Variants in GOLGA3 observed in about 807,000 individuals in gnomAD.
GOLGA3 encodes golgin subfamily A member 3.
Under a neutral mutation model 169.4 loss-of-function variants are expected in GOLGA3, and 75 were observed. The ratio of observed to expected loss-of-function variants is 0.44; its 90% CI spans 0.37 to 0.54. The LOEUF (loss-of-function observed/expected upper bound fraction) is 0.54. GOLGA3 is among the 20% of genes least tolerant of loss of function. GOLGA3 has a pLI of 0.00. For synonymous variants in GOLGA3, 824 were observed against 822.4 expected, an observed-to-expected ratio of 1.00 and a Z score of -0.03; for missense variants, 1,899 against 1,930.0, an observed-to-expected ratio of 0.98 and a Z score of 0.30.
chr12:132,776,878 C>T (rs2045276632), intron 20 of GOLGA3, 80 bp downstream of exon 20: 1 of 1,543,332 alleles, frequency 6.5e-7, no homozygotes, highest in African/African-American at 1.4e-5. Context: ...ATCACTGTTG[C>T]TCCCCAAGCA....
At position 132,796,526 on chromosome 12, in the gene GOLGA3, T is replaced by C. The variant is rs755764204; in HGVS notation, c.2100+13A>G. 4 of 1,605,072 alleles carry C rather than the reference T, an allele frequency of 2.5e-6. No individual in the cohort carries two copies. The highest frequency in any genetic ancestry group is 3.4e-6 in the Non-Finnish European group (4 of 1,178,332). On this transcript the variant is annotated intron_variant, in intron 10 of 23. Transcript: ENST00000450791. ...GGGGCCTGGGTCCAGCCTGAAGGGCTGCAGGGACTTACCTGCTCCAGCTGC... is the reference window on the plus strand; with the variant it reads ...GGGGCCTGGGTCCAGCCTGAAGGGCCGCAGGGACTTACCTGCTCCAGCTGC...
At position 132,770,998 on chromosome 12, in the gene GOLGA3, T is replaced by C. The variant is rs975166074; in HGVS notation, c.*2107A>G. The C allele has an allele frequency of 6.6e-6, 1 of 152,546 alleles. No homozygotes were observed. Among genetic ancestry groups the C allele is most frequent in the Admixed American group, 6.5e-5 (1 of 15,270 alleles). 9.4% of individuals were successfully genotyped at this position (152,546 alleles called of 1,614,324 possible). On this transcript the variant is annotated 3_prime_UTR_variant, in exon 24 of 24. Coordinates refer to ENST00000450791, the MANE Select transcript of GOLGA3 (RefSeq NM_001389683.1). The stretch of plus-strand genomic sequence containing the variant: ...CAGCCAAAATAAATAAGAACGTAAA[T>C]TGCCGTATTTTTTTTTCTAATGGTA...
chr12:132,774,629 C>T, intron 22 of GOLGA3: 2 of 446,440 alleles, frequency 4.5e-6, no homozygotes, highest in South Asian at 7.0e-5. Flanking sequence ...CCATCAGATA[C>T]TCAAGACCTT....
At position 132,772,655 on chromosome 12, in the gene GOLGA3, G is replaced by A. The variant is rs780778029; in HGVS notation, c.*450C>T. 9 of 154,066 alleles carry A rather than the reference G, an allele frequency of 5.8e-5. No individual in the cohort carries two copies. The highest frequency in any genetic ancestry group is 1.3e-4 in the Non-Finnish European group (9 of 69,630). 9.5% of individuals were successfully genotyped at this position (154,066 alleles called of 1,614,324 possible). A position where few individuals can be genotyped will look rare whatever the true frequency, so the allele number is the denominator to read the frequency against. On this transcript the variant is annotated 3_prime_UTR_variant, in exon 24 of 24. Transcript: ENST00000450791. ...AAACAAGTAAAAAGCCAAAGGTACA[G>A]ATAAAATTTCATTTCTGCGGAAAAG...
chr12:132,784,504 T>C (rs2045786255), intron 15 of GOLGA3, among the ~76,000 whole-genome samples, 197 bp from the exon 16 acceptor site: 1 of 152,182 alleles, frequency 6.6e-6, no homozygotes, highest in East Asian at 1.9e-4. Context: ...CACACGGGGA[T>C]AGTTGGGACA....
chr12:132,796,194 G>A lies in GOLGA3; in HGVS notation c.2127C>T (p.Asp709=). 2 of 1,596,488 alleles carry A rather than the reference G, an allele frequency of 1.3e-6. No homozygotes were observed. The highest frequency in any genetic ancestry group is 1.7e-5 in the Admixed American group (1 of 59,690). ...CCTGCTGCAAAGCCTCAAGCTGCTG[G>A]TCTCGCTGGAGTAAAGTCAACTTCA... ...EQVKLTLLQR[D]QQLEALQQEH... Residue 709 remains aspartate, a synonymous_variant, in exon 11 of 24, where the codon GAC becomes GAT. Coordinates refer to ENST00000450791, the MANE Select transcript of GOLGA3 (RefSeq NM_001389683.1).
rs759535013 is a variant in GOLGA3, at chr12:132,772,930, T to C, written c.*175A>G. ...ATTCCATGTGAAAAGCTAATTGTGA[T>C]CTTCGAATGTTTTTCTAGTCCTTGG... is the stretch of plus-strand genomic sequence containing the variant. On this transcript the variant is annotated 3_prime_UTR_variant, in exon 24 of 24. Transcript: ENST00000450791. The C allele has an allele frequency of 3.7e-6, 2 of 538,878 alleles. No homozygotes were observed. The highest frequency in any genetic ancestry group is 2.5e-5 in the South Asian group (1 of 40,030). 33.4% of individuals were successfully genotyped at this position (538,878 alleles called of 1,614,324 possible).
intron 1 of GOLGA3, chr12:132,825,939 T>A: frequency 1.1e-6 from 1 of 951,666 alleles, no homozygotes; most frequent in Non-Finnish European, 1.7e-6. Flanking sequence ...GTGACCAAGA[T>A]GAAGACGCAG....
chr12:132,817,977 C>T (rs113475904), intron 2 of GOLGA3, among the ~76,000 whole-genome samples: 53 of 24,938 alleles, frequency 2.1e-3, no homozygotes, highest in South Asian at 2.3e-3. Flanking sequence ...TGAACCCCCC[C>T]CCACACCTCC....
In GOLGA3 at chr12:132,806,555, G is replaced by A. The variant is rs533227330; in HGVS notation, c.1290+622C>T. 5.3e-5 allele frequency among the ~76,000 whole-genome samples: 8 copies of A among 152,364 alleles called. No homozygotes were observed. In the South Asian group the frequency reaches 1.7e-3, roughly 32 times the overall value. ...CTGTGAGCAGCTCCAGCCCTGCTCT[G>A]CGGCCTCGCAGGCCACAGGAGGCTC... On this transcript the variant is annotated intron_variant, in intron 6 of 23. Coordinates refer to ENST00000450791, the MANE Select transcript of GOLGA3 (RefSeq NM_001389683.1).
intron 23 of GOLGA3, 135 bp from the exon 24 acceptor site, chr12:132,773,429 A>ACTTATT: frequency 1.9e-6 from 1 of 527,116 alleles, no homozygotes; most frequent in Non-Finnish European, 3.4e-6. Flanking sequence ...AACTGAGACC[A>ACTTATT]CAGAAGCTCA....
chr12:132,784,146 C>G lies in GOLGA3; in HGVS notation c.3267+18G>C. 1 of 1,604,756 alleles carries G rather than the reference C, an allele frequency of 6.2e-7. No homozygotes were observed. The highest frequency in any genetic ancestry group is 8.5e-7 in the Non-Finnish European group (1 of 1,179,850). ...GACCTGCCCCACGCTGCCGCCACAG[C>G]AGATGGCCAGGCCTCACCTCGTCCT... On this transcript the variant is annotated intron_variant, in intron 16 of 23. Coordinates refer to ENST00000450791, the MANE Select transcript of GOLGA3 (RefSeq NM_001389683.1).
intron 2 of GOLGA3, 90 bp from the exon 3 acceptor site, chr12:132,816,902 G>C: frequency 6.9e-6 from 8 of 1,165,406 alleles, no homozygotes; most frequent in Non-Finnish European, 9.5e-6. Context: ...GAGAGAAGAG[G>C]ATCCAGACTC....
intron 8 of GOLGA3, among the ~76,000 whole-genome samples, chr12:132,800,296 C>T (rs984485600): frequency 6.6e-6 from 1 of 152,086 alleles, no homozygotes; most frequent in Non-Finnish European, 1.5e-5. Flanking sequence ...GAGTTCAAGA[C>T]GAGCTTGGCC....
Position 132,816,667 on chromosome 12 carries a change from G to C in GOLGA3, c.279C>G (p.Ala93=). The change falls in exon 3 of 24, where the codon GCC becomes GCG. Residue 93 remains alanine (A), a synonymous_variant. Transcript: ENST00000450791. ...CATGGAAACCAGCCACACCTGGAGA[G>C]GCATCAGGGCCCACTGGGCTTGTGG... is the stretch of plus-strand genomic sequence containing the variant. ...DPTTSPVGPD[A]SPGVAGFHDN... 2 of 1,614,192 alleles carry C rather than the reference G, an allele frequency of 1.2e-6. No individual in the cohort carries two copies. Among genetic ancestry groups the C allele is most frequent in the Non-Finnish European group, 8.5e-7 (1 of 1,180,028 alleles).
chr12:132,789,490 T>C (rs1593274528), intron 12 of GOLGA3, among the ~76,000 whole-genome samples, 200 bp from the exon 13 acceptor site: 1 of 152,368 alleles, frequency 6.6e-6, no homozygotes. Flanking sequence ...TCACTGCCTG[T>C]TGAGAGACTG....
At chr12:132,792,212 A>C (rs1377472503) in intron 11 of GOLGA3, among the ~76,000 whole-genome samples, 1 of 152,188 alleles carries the variant, frequency 6.6e-6, no homozygotes, top group East Asian at 1.9e-4. Context: ...CTCCCTCCTC[A>C]CCACTGACAG....
chr12:132,804,034 G>A lies in GOLGA3; in HGVS notation c.1597+682C>T, dbSNP rs1949258915. ...CACTGGAGTGTGAGCTCTGGGACTG[G>A]CCCGGGCGGGGACTGAGGGGGTGGA... is the stretch of plus-strand genomic sequence containing the variant. On this transcript the variant is annotated intron_variant, in intron 7 of 23. Transcript: ENST00000450791. This position sits in a 1 kb window ranked among gnomAD's most constrained non-coding sequence, Gnocchi z 4.1. Among the ~76,000 whole-genome samples, 1 of 152,198 alleles carries A rather than the reference G, an allele frequency of 6.6e-6. No individual in the cohort carries two copies. The highest frequency in any genetic ancestry group is 1.5e-5 in the Non-Finnish European group (1 of 68,042).
At chr12:132,786,231 C>T in intron 15 of GOLGA3, 108 bp downstream of exon 15, 2 of 727,312 alleles carry the variant, frequency 2.7e-6, no homozygotes, top group Middle Eastern at 4.1e-4. Flanking sequence ...TGCCACCTCC[C>T]ACGCGAGCTC....
Sources: allele counts gnomAD v4.1 joint callset (sites outside exome capture counted in the v4.1 genomes callset), GRCh38; gene constraint gnomAD v4.1.1; non-coding constraint Gnocchi (gnomAD v3.1); transcripts MANE v1.5; gene names NCBI Gene and HGNC (gene_info 2026-07-23, HGNC 2026-07-21).